VEZF1: variants seen among roughly 807,000 people sequenced by gnomAD.
VEZF1 encodes putative transcription factor DB1.
Under a neutral mutation model 44.1 loss-of-function variants are expected in VEZF1, and 5 were observed. That is an observed-to-expected ratio of 0.11 (90% CI 0.06 to 0.24). The LOEUF (loss-of-function observed/expected upper bound fraction) is 0.24. Among genes scored for constraint, VEZF1 ranks in the 10% least tolerant of loss-of-function variants. The pLI is 1.00. For missense variants in VEZF1, 358 were observed against 641.8 expected (o/e 0.56, Z 4.78); for synonymous variants, 236 against 233.1 (o/e 1.01, Z -0.11).
intron 4 of VEZF1, among the ~76,000 whole-genome samples, chr17:57,979,984 A>C (rs916866681): frequency 1.2e-4 from 18 of 144,416 alleles, no homozygotes; most frequent in East Asian, 7.7e-4. Flanking sequence ...AAAAAAAAAA[A>C]AAAAAAACAA....
Position 57,984,873 on chromosome 17 carries a change from G to A in VEZF1, c.34-1480C>T, listed in dbSNP as rs77971090. On this transcript the variant is annotated intron_variant, in intron 1 of 5. Coordinates refer to ENST00000581208, the MANE Select transcript of VEZF1 (RefSeq NM_007146.3). ...TGTAATCACCCTTTGAGTCCTGGAA[G>A]CATTCTCAGAAATTATGTGGTTACT... Among the ~76,000 whole-genome samples, 297 of 152,302 alleles carry A rather than the reference G, an allele frequency of 2.0e-3. 1 individual carries two copies. Among genetic ancestry groups the A allele is most frequent in the Non-Finnish European group, 3.3e-3 (222 of 68,024 alleles).
chr17:57,980,875 C>T (rs1567739299), intron 3 of VEZF1, 89 bp from the exon 4 acceptor site: 1 of 1,300,480 alleles, frequency 7.7e-7, no homozygotes, highest in East Asian at 2.5e-5. Flanking sequence ...TTACCCTATC[C>T]ACATCAGCAA....
intron 3 of VEZF1, among the ~76,000 whole-genome samples, chr17:57,981,497 CATT>C (rs1357221376): frequency 1.7e-4 from 26 of 152,202 alleles, no homozygotes; most frequent in African/African-American, 6.3e-4. Flanking sequence ...GAGAAAAATT[CATT>C]ATTTTCTCCT....
At chr17:57,984,901 T>C (rs2075281411) in intron 1 of VEZF1, among the ~76,000 whole-genome samples, 1 of 152,236 alleles carries the variant, frequency 6.6e-6, no homozygotes, top group African/African-American at 2.4e-5. Flanking sequence ...TGGTTACTTA[T>C]GAGTCTCTTT....
rs760657819 is a variant in VEZF1, at chr17:57,982,953, T to C, written c.474A>G (p.Pro158=). Residue 158 remains proline, a synonymous_variant, in exon 2 of 6, where the codon CCA becomes CCG. Transcript: ENST00000581208. The part of the protein sequence containing the change: ...PSSSASTTAM[P]VTQSVKKPSK... ...TGGGTTTCTTGACAGACTGGGTCACTGGCATAGCTGTGGTGCTGGCACTGC... is the reference window on the plus strand; with the variant it reads ...TGGGTTTCTTGACAGACTGGGTCACCGGCATAGCTGTGGTGCTGGCACTGC... 18 of 1,614,070 alleles carry C rather than the reference T, an allele frequency of 1.1e-5. No homozygotes were observed. Among genetic ancestry groups the C allele is most frequent in the East Asian group, 4.5e-5 (2 of 44,904 alleles).
At position 57,987,298 on chromosome 17, in the gene VEZF1, C is replaced by T. The variant is rs371053317; in HGVS notation, c.33+781G>A. 5.9e-5 allele frequency among the ~76,000 whole-genome samples: 9 copies of T among 151,942 alleles called. 1 individual carries two copies. The East Asian group carries it at 1.7e-3, about 30-fold the overall frequency. On this transcript the variant is annotated intron_variant, in intron 1 of 5. Transcript: ENST00000581208. ...CGCTCCCCGCCTGCCCCGGGCCGGC[C>T]CGGCTGGGGGATTCCCCAGGCTGAA...
At position 57,972,122 on chromosome 17, in the gene VEZF1, G is replaced by C. The variant is rs1040453925; in HGVS notation, c.*2351C>G. The stretch of plus-strand genomic sequence containing the variant: ...ATTTTAACTGAAGTCATACAATGAA[G>C]TCTCACTCCTGTTTATTATACAATG... On this transcript the variant is annotated 3_prime_UTR_variant, in exon 6 of 6. Transcript: ENST00000581208. 4.6e-5 allele frequency: 7 copies of C among 152,460 alleles called. No homozygotes were observed. The highest frequency in any genetic ancestry group is 1.7e-4 in the African/African-American group (7 of 41,376). The allele number at this position is 152,460 out of a possible 1,614,324, so 9.4% of individuals were successfully genotyped here. A position where few individuals can be genotyped will look rare whatever the true frequency, so the allele number is the denominator to read the frequency against.
At chr17:57,980,068 T>C (rs905973625) in intron 4 of VEZF1, among the ~76,000 whole-genome samples, 1 of 151,660 alleles carries the variant, frequency 6.6e-6, no homozygotes, top group Non-Finnish European at 1.5e-5. Flanking sequence ...ACAAACCCAG[T>C]GTACTTACAA....
At position 57,983,253 on chromosome 17, in the gene VEZF1, T is replaced by C. The variant is rs151141474; in HGVS notation, c.174A>G (p.Thr58=). The part of the protein sequence containing the change: ...ITQKPQGAPE[T]LKDAIGIKKE... ...TTTTAATCCCAATGGCATCCTTTAA[T>C]GTTTCTGGTGCACCCTGAGGTTTCT... Residue 58 remains threonine (T), a synonymous_variant, in exon 2 of 6, where the codon ACA becomes ACG. Transcript: ENST00000581208. 3.1e-5 allele frequency: 50 copies of C among 1,614,002 alleles called. No individual in the cohort carries two copies. The highest frequency in any genetic ancestry group is 1.3e-4 in the African/African-American group (10 of 74,904).
At chr17:57,980,427 T>C (rs2075238325) in intron 4 of VEZF1, among the ~76,000 whole-genome samples, 176 bp downstream of exon 4, 1 of 152,254 alleles carries the variant, frequency 6.6e-6, no homozygotes, top group Non-Finnish European at 1.5e-5. Flanking sequence ...TTTGCATACA[T>C]GAAAGTAAAG....
At position 57,982,871 on chromosome 17, in the gene VEZF1, C is replaced by T; in HGVS notation, c.556G>A (p.Val186Met). Residue 186 changes from valine (V) to methionine (M), a missense_variant, in exon 2 of 6, where the codon GTG becomes ATG. Val to Met is a conservative substitution (Grantham distance 21). Coordinates refer to ENST00000581208, the MANE Select transcript of VEZF1 (RefSeq NM_007146.3). ...CEMCGKAFRDVYHLNRHKLSH... is the reference protein window; with the variant it reads ...CEMCGKAFRDMYHLNRHKLSH... Reference sequence around the variant, plus strand: ...AGCTTGTGTCGATTGAGATGGTACACATCTCGGAAGGCCTTCCCACACATC... The same window carrying T: ...AGCTTGTGTCGATTGAGATGGTACATATCTCGGAAGGCCTTCCCACACATC... The T allele has an allele frequency of 1.2e-6, 2 of 1,614,192 alleles. No individual in the cohort carries two copies. The highest frequency in any genetic ancestry group is 1.7e-6 in the Non-Finnish European group (2 of 1,180,038).
chr17:57,974,366 G>A lies in VEZF1; in HGVS notation c.*107C>T. 7.9e-7 allele frequency: 1 copy of A among 1,262,078 alleles called. No individual in the cohort carries two copies. Among genetic ancestry groups the A allele is most frequent in the Admixed American group, 2.5e-5 (1 of 39,554 alleles). 78.2% of individuals were successfully genotyped at this position (1,262,078 alleles called of 1,614,324 possible). A position where few individuals can be genotyped will look rare whatever the true frequency, so the allele number is the denominator to read the frequency against. ...TGCTACCACACTCTTATTAACTAAT[G>A]TAATAAAATCTCCCAATTTCATGGT... On this transcript the variant is annotated 3_prime_UTR_variant, in exon 6 of 6. Transcript: ENST00000581208.
Position 57,980,724 on chromosome 17 carries a change from G to C in VEZF1, c.855C>G (p.Gly285=). 6.2e-7 allele frequency: 1 copy of C among 1,614,208 alleles called. No individual in the cohort carries two copies. Among genetic ancestry groups the C allele is most frequent in the Non-Finnish European group, 8.5e-7 (1 of 1,180,032 alleles). Residue 285 remains glycine, a synonymous_variant, in exon 4 of 6, where the codon GGC becomes GGG. Coordinates refer to ENST00000581208, the MANE Select transcript of VEZF1 (RefSeq NM_007146.3). ...TCCCACAGATGTTACATGATACCTT[G>C]CCTTCATGGCGCACCATGTGTGTCC... ...RLRTHMVRHE[G]KVSCNICGKL... is the part of the protein sequence containing the mutation.
rs1178543259 is a variant in VEZF1 at position 57,973,670 on chromosome 17, T to C, written c.*803A>G. The C allele has an allele frequency of 6.6e-6, 1 of 152,342 alleles. No individual in the cohort carries two copies. The highest frequency in any genetic ancestry group is 2.1e-4 in the South Asian group (1 of 4,832). 9.4% of individuals were successfully genotyped at this position (152,342 alleles called of 1,614,324 possible). A position where few individuals can be genotyped will look rare whatever the true frequency, so the allele number is the denominator to read the frequency against. ...GGACTCTGTTTATTAGGAGCTTGCC[T>C]GTCCACACACTTGACTTCTCCTCTG... On this transcript the variant is annotated 3_prime_UTR_variant, in exon 6 of 6. Transcript: ENST00000581208.
Position 57,971,896 on chromosome 17 carries a change from G to C in VEZF1, c.*2577C>G, listed in dbSNP as rs531556224. 17 of 152,722 alleles carry C rather than the reference G, an allele frequency of 1.1e-4. No homozygotes were observed. The highest frequency in any genetic ancestry group is 3.6e-4 in the African/African-American group (15 of 41,566). 9.5% of individuals were successfully genotyped at this position (152,722 alleles called of 1,614,324 possible). ...GCTGTCGTGCCTTCAACACCTGGTT[G>C]AATCAGTTCATCAACATCGAAACTC... On this transcript the variant is annotated 3_prime_UTR_variant, in exon 6 of 6. Transcript: ENST00000581208.
intron 1 of VEZF1, among the ~76,000 whole-genome samples, chr17:57,987,450 C>T (rs1416499817): frequency 6.6e-6 from 1 of 152,032 alleles, no homozygotes; most frequent in Non-Finnish European, 1.5e-5. Context: ...ACAACATCCG[C>T]CCCCCCAACT....
chr17:57,987,724 G>T (rs1203228040), intron 1 of VEZF1, among the ~76,000 whole-genome samples: 1 of 152,068 alleles, frequency 6.6e-6, no homozygotes, highest in Non-Finnish European at 1.5e-5. Context: ...GCTATCCAGC[G>T]GCCCGGCGCC....
Position 57,982,967 on chromosome 17 carries a change from T to A in VEZF1, c.460A>T (p.Thr154Ser). Residue 154 changes from threonine (T) to serine (S), a missense_variant, in exon 2 of 6, where the codon ACC (threonine) becomes TCC (serine). Physicochemically the swap from Thr to Ser is moderately conservative, Grantham distance 58 (BLOSUM62 1). Transcript: ENST00000581208. Reference protein sequence around the residue: ...SGTNPSSSASTTAMPVTQSVK... With the variant: ...SGTNPSSSASSTAMPVTQSVK... ...GACTGGGTCACTGGCATAGCTGTGG[T>A]GCTGGCACTGCTACTGGGGTTGGTG... 6.2e-7 allele frequency: 1 copy of A among 1,614,198 alleles called. No homozygotes were observed. The highest frequency in any genetic ancestry group is 8.5e-7 in the Non-Finnish European group (1 of 1,180,036).
Position 57,982,842 on chromosome 17 carries a change from G to A in VEZF1, c.585C>T (p.Ser195=). The change falls in exon 2 of 6, where the codon TCC becomes TCT. Residue 195 remains serine, a synonymous_variant. Coordinates refer to ENST00000581208, the MANE Select transcript of VEZF1 (RefSeq NM_007146.3). ...DVYHLNRHKL[S]HSDEKPFECP... ...ACTCAAAGGGTTTCTCATCTGAATG[G>A]GAGAGCTTGTGTCGATTGAGATGGT... 1.9e-6 allele frequency: 3 copies of A among 1,614,130 alleles called. No homozygotes were observed. The highest frequency in any genetic ancestry group is 2.5e-6 in the Non-Finnish European group (3 of 1,180,028).
Sources: allele counts gnomAD v4.1 joint callset (sites outside exome capture counted in the v4.1 genomes callset), GRCh38; gene constraint gnomAD v4.1.1; transcripts MANE v1.5; gene names NCBI Gene and HGNC (gene_info 2026-07-23, HGNC 2026-07-21).